Variants in MYCBP2 observed in about 807,000 individuals in gnomAD.
The protein encoded by MYCBP2 is MYC binding protein 2.
In MYCBP2, 120 loss-of-function variants were observed where a neutral mutation model predicts 525.3. The ratio of observed to expected loss-of-function variants is 0.23; its 90% CI spans 0.20 to 0.27. The LOEUF is 0.27. Ranked by LOEUF, MYCBP2 falls within the 10% of genes least tolerant of loss-of-function variation. The pLI is 1.00. For missense variants in MYCBP2, 4,149 were observed against 5,657.1 expected (o/e 0.73, Z 8.55); for synonymous variants, 1,894 against 1,955.8 (o/e 0.97, Z 0.83).
chr13:77,149,509 T>C (rs1287559102), intron 47 of MYCBP2, among the ~76,000 whole-genome samples: 2 of 152,130 alleles, frequency 1.3e-5, no homozygotes, highest in African/African-American at 4.8e-5. Flanking sequence ...CCATAGAAGG[T>C]ATCATCTATT....
At position 77,326,907 on chromosome 13, in the gene MYCBP2, A is replaced by T; in HGVS notation, c.-132T>A. 1 of 822,280 alleles carries T rather than the reference A, an allele frequency of 1.2e-6. No homozygotes were observed. Among genetic ancestry groups the T allele is most frequent in the Non-Finnish European group, 1.7e-6 (1 of 591,940 alleles). The allele number at this position is 822,280 out of a possible 1,614,324, so 50.9% of individuals were successfully genotyped here. On this transcript the variant is annotated 5_prime_UTR_variant, in exon 1 of 83. An upstream open reading frame in the 5' UTR loses its in-frame stop. Transcript: ENST00000544440. The surrounding 1 kb of genome is among the most constrained non-coding windows in gnomAD (Gnocchi z 4.2). ...CTCTGGCTCCCGCAGCAGGGAGACT[A>T]CAAAGACAGCGACCTCCTTCTCCTC...
At chr13:77,153,104 C>T (rs1408139210) in intron 46 of MYCBP2, among the ~76,000 whole-genome samples, 1 of 150,772 alleles carries the variant, frequency 6.6e-6, no homozygotes, top group Non-Finnish European at 1.5e-5. Flanking sequence ...TGTATTCACG[C>T]ATTCATCGCG....
At chr13:77,260,254 C>T (rs960654580) in intron 13 of MYCBP2, among the ~76,000 whole-genome samples, 174 bp downstream of exon 13, 2 of 152,124 alleles carry the variant, frequency 1.3e-5, no homozygotes, top group Admixed American at 6.6e-5. Context: ...GACAGTGCTC[C>T]TAGTGACAAG....
chr13:77,112,550 C>G (rs1042478546), intron 55 of MYCBP2, among the ~76,000 whole-genome samples: 1 of 151,684 alleles, frequency 6.6e-6, no homozygotes, highest in Non-Finnish European at 1.5e-5. Context: ...TTCAGCCTCT[C>G]AAGTAGCTAG....
In MYCBP2 at chr13:77,062,652, CGTGGTCCT is replaced by C; in HGVS notation, c.12710_12717del (p.Gln4237ArgfsTer23). 6.2e-7 allele frequency: 1 copy of C among 1,614,168 alleles called. No individual in the cohort carries two copies. Among genetic ancestry groups the C allele is most frequent in the Non-Finnish European group, 8.5e-7 (1 of 1,180,010 alleles). Reference sequence around the variant, plus strand: ...CATCTCCCCGAGGAGAGACGATCTACGTGGTCCTGATCAAGAACACATAGGGATGCGAG... The same window carrying C: ...CATCTCCCCGAGGAGAGACGATCTACGATCAAGAACACATAGGGATGCGAG... On this transcript the variant is annotated frameshift_variant, in exon 74 of 83. Transcript: ENST00000544440. LOFTEE classifies it high-confidence loss of function.
At position 77,077,511 on chromosome 13, in the gene MYCBP2, G is replaced by A. The variant is rs2042518314; in HGVS notation, c.11485-124C>T. The A allele has an allele frequency of 2.3e-5, 26 of 1,135,624 alleles. No homozygotes were observed. In the South Asian group the frequency reaches 3.7e-4, roughly 16 times the overall value. 70.3% of individuals were successfully genotyped at this position (1,135,624 alleles called of 1,614,324 possible). A position where few individuals can be genotyped will look rare whatever the true frequency, so the allele number is the denominator to read the frequency against. ...AATTGCACAGAGTAAAGGTTATGAGGTTATTTCACACTGATTTTCTTATTT... is the reference window on the plus strand; with the variant it reads ...AATTGCACAGAGTAAAGGTTATGAGATTATTTCACACTGATTTTCTTATTT... On this transcript the variant is annotated intron_variant, in intron 66 of 82. Coordinates refer to ENST00000544440, the MANE Select transcript of MYCBP2 (RefSeq NM_015057.5).
chr13:77,185,297 A>G lies in MYCBP2; in HGVS notation c.4525T>C (p.Leu1509=). ...GKTRTLLRKI[L]SEGVDHCMVK... ...ATGCAGTGATCAACTCCTTCTGATA[A>G]AATTTTTCTTAACAAAGTTCTGGTT... Residue 1509 remains leucine (L), a synonymous_variant, in exon 32 of 83, where the codon TTA becomes CTA. Coordinates refer to ENST00000544440, the MANE Select transcript of MYCBP2 (RefSeq NM_015057.5). The G allele has an allele frequency of 6.2e-7, 1 of 1,614,044 alleles. No individual in the cohort carries two copies. Among genetic ancestry groups the G allele is most frequent in the Non-Finnish European group, 8.5e-7 (1 of 1,180,010 alleles).
At chr13:77,276,593 C>T (rs2075612874) in intron 4 of MYCBP2, among the ~76,000 whole-genome samples, 1 of 151,816 alleles carries the variant, frequency 6.6e-6, no homozygotes, top group Admixed American at 6.6e-5. Flanking sequence ...GAATTTGAAA[C>T]TTTAAACAAG....
chr13:77,096,401 C>T lies in MYCBP2; in HGVS notation c.9865G>A (p.Gly3289Ser). Reference protein sequence around the residue: ...CGGWAGNCGDGGIGGSTWYLV... With the variant: ...CGGWAGNCGDSGIGGSTWYLV... ...TACCAAGTGCTTCCTCCTATGCCACCATCACCACAGTTACCAGCCCATCCT... is the reference window on the plus strand; with the variant it reads ...TACCAAGTGCTTCCTCCTATGCCACTATCACCACAGTTACCAGCCCATCCT... Residue 3289 changes from glycine to serine, a missense_variant, in exon 57 of 83, where the codon GGT becomes AGT. This residue lies in a region of MYCBP2 where 509 missense variants were observed against 789.4 expected (regional missense o/e 0.64). Transcript: ENST00000544440. The T allele has an allele frequency of 1.2e-6, 2 of 1,613,438 alleles. No individual in the cohort carries two copies. The highest frequency in any genetic ancestry group is 1.7e-6 in the Non-Finnish European group (2 of 1,179,598).
At chr13:77,153,479 A>T (rs149346241) in intron 46 of MYCBP2, among the ~76,000 whole-genome samples, 1 of 152,356 alleles carries the variant, frequency 6.6e-6, no homozygotes, top group Non-Finnish European at 1.5e-5. Flanking sequence ...TAAATTACAG[A>T]CACTATTTTT....
intron 68 of MYCBP2, 148 bp from the exon 69 acceptor site, chr13:77,070,859 T>C: frequency 2.0e-6 from 1 of 490,428 alleles, no homozygotes; most frequent in Non-Finnish European, 3.5e-6. Flanking sequence ...CTTATAATAC[T>C]AAGACAAAGG....
Position 77,251,794 on chromosome 13 carries a change from C to T in MYCBP2, c.2177-439G>A, listed in dbSNP as rs140616447. Among the ~76,000 whole-genome samples the T allele has an allele frequency of 6.5e-4, 99 of 152,288 alleles. No homozygotes were observed. In the East Asian group the frequency reaches 0.013, roughly 20 times the overall value. On this transcript the variant is annotated intron_variant, in intron 14 of 82. Transcript: ENST00000544440. The stretch of plus-strand genomic sequence containing the variant: ...AATTTACAAACCTCCAGTGACCTTC[C>T]AAGGTCTTCAGAAGAACAAAACTCA...
chr13:77,252,943 A>G (rs1397405896), intron 14 of MYCBP2, among the ~76,000 whole-genome samples: 1 of 152,124 alleles, frequency 6.6e-6, no homozygotes, highest in Non-Finnish European at 1.5e-5. Context: ...TTTACAGTCA[A>G]TGGAATCTCA....
At chr13:77,311,090 T>C (rs2080143818) in intron 1 of MYCBP2, among the ~76,000 whole-genome samples, 1 of 152,300 alleles carries the variant, frequency 6.6e-6, no homozygotes, top group Admixed American at 6.5e-5. Context: ...CTCCTTTCAC[T>C]AACAGCTTTG....
At chr13:77,322,122 T>C (rs1173742944) in intron 1 of MYCBP2, among the ~76,000 whole-genome samples, 6 of 152,244 alleles carry the variant, frequency 3.9e-5, no homozygotes, top group South Asian at 2.1e-4. Context: ...GTTCACACCA[T>C]TGCACTCCAG....
intron 4 of MYCBP2, among the ~76,000 whole-genome samples, chr13:77,277,080 A>G (rs2075706991): frequency 2.0e-5 from 3 of 152,182 alleles, no homozygotes; most frequent in Admixed American, 1.3e-4. Flanking sequence ...ATGGATACAA[A>G]GGAAAGTATA....
chr13:77,302,339 T>C (rs1327259791), intron 1 of MYCBP2, among the ~76,000 whole-genome samples: 1 of 143,046 alleles, frequency 7.0e-6, no homozygotes, highest in Non-Finnish European at 1.5e-5. Flanking sequence ...AACAATAAAA[T>C]TGATAGTTTC....
intron 32 of MYCBP2, 126 bp downstream of exon 32, chr13:77,184,977 C>A: frequency 1.1e-6 from 1 of 940,010 alleles, no homozygotes; most frequent in Admixed American, 2.9e-5. Context: ...AAGTCATGTA[C>A]ACCGAATGAT....
At chr13:77,310,809 T>G (rs1173616554) in intron 1 of MYCBP2, among the ~76,000 whole-genome samples, 2 of 150,736 alleles carry the variant, frequency 1.3e-5, no homozygotes, top group African/African-American at 4.9e-5. Flanking sequence ...CACACCATAT[T>G]TAGGTACAAT....
Sources: allele counts gnomAD v4.1 joint callset (sites outside exome capture counted in the v4.1 genomes callset), GRCh38; gene constraint gnomAD v4.1.1; regional missense constraint gnomAD v4.1.1; non-coding constraint Gnocchi (gnomAD v3.1); transcripts MANE v1.5; gene names NCBI Gene and HGNC (gene_info 2026-07-23, HGNC 2026-07-21).